EDAR: variants seen among roughly 807,000 people sequenced by gnomAD.
EDAR encodes the protein ectodysplasin A receptor, also known as tumor necrosis factor receptor superfamily member EDAR.
EDAR carries 38 observed loss-of-function variants against 51.3 expected under a neutral mutation model. The ratio of observed to expected loss-of-function variants is 0.74; its 90% CI spans 0.57 to 0.97. The LOEUF (loss-of-function observed/expected upper bound fraction) is 0.97, where lower values mean the gene tolerates loss of function less well. Ranked by LOEUF, EDAR falls within the 50% of genes least tolerant of loss-of-function variation. The pLI, the probability that EDAR is intolerant of heterozygous loss-of-function variation, is 0.00. For synonymous variants in EDAR, 227 were observed against 242.1 expected (o/e 0.94, Z 0.58); for missense variants, 528 against 595.0 (o/e 0.89, Z 1.17).
intron 11 of EDAR, among the ~76,000 whole-genome samples, chr2:108,902,713 G>A (rs2105382465): frequency 6.6e-6 from 1 of 152,216 alleles, no homozygotes; most frequent in Admixed American, 6.5e-5. Flanking sequence ...AGGGAGGCAA[G>A]GCTGGTTCAA....
At position 108,912,686 on chromosome 2, in the gene EDAR, G is replaced by C; in HGVS notation, c.521C>G (p.Ala174Gly). 1 of 1,593,276 alleles carries C rather than the reference G, an allele frequency of 6.3e-7. No homozygotes were observed. The highest frequency in any genetic ancestry group is 1.2e-5 in the South Asian group (1 of 86,944). ...GSSTLSPFQH[A>G]HKELSGQGHL... ...CTGAGCACCCTCCTCACCTTTGTGG[G>C]CGTGCTGGAAGGGAGACAGGGTGCT... The change falls in exon 6 of 12, where the codon GCC (alanine) becomes GGC (glycine). Residue 174 changes from alanine (A) to glycine (G), a missense_variant. By Grantham distance (60) the Ala-to-Gly change is moderately conservative. Coordinates refer to ENST00000258443, the MANE Select transcript of EDAR (RefSeq NM_022336.4).
At position 108,911,069 on chromosome 2, in the gene EDAR, A is replaced by G; in HGVS notation, c.533T>C (p.Leu178Pro). Residue 178 changes from leucine to proline, a missense_variant, in exon 7 of 12, where the codon CTC (leucine) becomes CCC (proline). Physicochemically the swap from Leu to Pro is moderately conservative, Grantham distance 98. Transcript: ENST00000258443. ...AGTGGCCAGGTGTCCTTGGCCTGAG[A>G]GTTCTGTGGGTGGAGAGAAGGCATG... Reference protein sequence around the residue: ...LSPFQHAHKELSGQGHLATAL... With the variant: ...LSPFQHAHKEPSGQGHLATAL... The G allele has an allele frequency of 6.2e-7, 1 of 1,614,086 alleles. No individual in the cohort carries two copies. Among genetic ancestry groups the G allele is most frequent in the Non-Finnish European group, 8.5e-7 (1 of 1,180,006 alleles).
intron 1 of EDAR, among the ~76,000 whole-genome samples, chr2:108,944,493 T>C (rs1228537298): frequency 6.6e-6 from 1 of 152,224 alleles, no homozygotes; most frequent in East Asian, 1.9e-4. Context: ...GCCAATGCTG[T>C]TGCCTCTAAC....
chr2:108,933,375 C>T (rs993755304), intron 1 of EDAR, among the ~76,000 whole-genome samples: 2 of 152,116 alleles, frequency 1.3e-5, no homozygotes, highest in African/African-American at 4.8e-5. Flanking sequence ...AAGGAAAAAG[C>T]GTGTGTCCCT....
intron 5 of EDAR, among the ~76,000 whole-genome samples, chr2:108,921,666 C>G (rs1384556755): frequency 6.6e-6 from 1 of 152,200 alleles, no homozygotes; most frequent in Non-Finnish European, 1.5e-5. Context: ...TGGGCAGGTG[C>G]TCTGAGTAAA....
At chr2:108,983,192 C>T (rs1698444978) in intron 1 of EDAR, among the ~76,000 whole-genome samples, 1 of 152,134 alleles carries the variant, frequency 6.6e-6, no homozygotes, top group Admixed American at 6.5e-5. Context: ...CAAACACATC[C>T]CCAAAGTGTA....
intron 1 of EDAR, among the ~76,000 whole-genome samples, chr2:108,932,955 C>G (rs909066721): frequency 2.0e-5 from 3 of 152,146 alleles, no homozygotes; most frequent in African/African-American, 4.8e-5. Flanking sequence ...TCCTGCCTCC[C>G]GAGTACAACA....
At chr2:108,978,548 C>T (rs773092324) in intron 1 of EDAR, among the ~76,000 whole-genome samples, 2 of 152,174 alleles carry the variant, frequency 1.3e-5, no homozygotes, top group Non-Finnish European at 2.9e-5. Context: ...CCCAAGGAGG[C>T]TGAGGTTCAG....
At chr2:108,980,279 G>C (rs1011140315) in intron 1 of EDAR, among the ~76,000 whole-genome samples, 1 of 151,946 alleles carries the variant, frequency 6.6e-6, no homozygotes, top group Non-Finnish European at 1.5e-5. Flanking sequence ...ATCCCAGGGA[G>C]GCCCAGGTGA....
At position 108,912,687 on chromosome 2, in the gene EDAR, C is replaced by A. The variant is rs771092641; in HGVS notation, c.520G>T (p.Ala174Ser). The part of the protein sequence containing the change: ...GSSTLSPFQH[A>S]HKELSGQGHL... ...TGAGCACCCTCCTCACCTTTGTGGGCGTGCTGGAAGGGAGACAGGGTGCTG... is the reference window on the plus strand; with the variant it reads ...TGAGCACCCTCCTCACCTTTGTGGGAGTGCTGGAAGGGAGACAGGGTGCTG... Residue 174 changes from alanine (A) to serine (S), a missense_variant, in exon 6 of 12, where the codon GCC becomes TCC. Transcript: ENST00000258443. 6.3e-7 allele frequency: 1 copy of A among 1,593,810 alleles called. No individual in the cohort carries two copies. The highest frequency in any genetic ancestry group is 8.5e-7 in the Non-Finnish European group (1 of 1,170,236).
intron 1 of EDAR, among the ~76,000 whole-genome samples, chr2:108,935,209 CAATTCCCATCTAGA>C (rs1349452919): frequency 6.6e-6 from 1 of 152,190 alleles, no homozygotes; most frequent in Non-Finnish European, 1.5e-5. Flanking sequence ...CTTCCTTCCT[CAATTCCCATCTAGA>C]ATGATGACAC....
At chr2:108,964,587 A>T (rs1698115093) in intron 1 of EDAR, among the ~76,000 whole-genome samples, 1 of 152,252 alleles carries the variant, frequency 6.6e-6, no homozygotes, top group Admixed American at 6.5e-5. Context: ...TAATCTTTTA[A>T]CAACAAAGGG....
intron 1 of EDAR, among the ~76,000 whole-genome samples, chr2:108,956,693 G>T (rs1282512772): frequency 1.3e-5 from 2 of 152,102 alleles, no homozygotes; most frequent in African/African-American, 2.4e-5. Flanking sequence ...AAATATTTGG[G>T]TTATGATTCA....
At position 108,914,945 on chromosome 2, in the gene EDAR, C is replaced by T. The variant is rs368537247; in HGVS notation, c.443-2181G>A. Among the ~76,000 whole-genome samples the T allele has an allele frequency of 3.9e-5, 6 of 152,238 alleles. No homozygotes were observed. In the East Asian group the frequency reaches 5.8e-4, roughly 15 times the overall value. ...CTGTTTTGTTTGAGACAAGGTCTCA[C>T]TCTGTCACCCAGGCTGGAGTGCAGT... On this transcript the variant is annotated intron_variant, in intron 5 of 11. Transcript: ENST00000258443.
intron 9 of EDAR, among the ~76,000 whole-genome samples, chr2:108,909,681 C>T (rs1696879515): frequency 3.3e-5 from 5 of 152,232 alleles, no homozygotes; most frequent in East Asian, 1.9e-4. Flanking sequence ...TTGGAAGCTA[C>T]GCAGGACCAA....
chr2:108,967,103 T>A (rs935749604), intron 1 of EDAR, among the ~76,000 whole-genome samples: 3 of 152,108 alleles, frequency 2.0e-5, no homozygotes, highest in African/African-American at 7.2e-5. Flanking sequence ...CCAGGCTAAT[T>A]TTTGTATTTT....
chr2:108,943,648 G>A (rs1277763987), intron 1 of EDAR, among the ~76,000 whole-genome samples: 7 of 152,296 alleles, frequency 4.6e-5, no homozygotes, highest in Non-Finnish European at 7.4e-5. Flanking sequence ...CGAAGACTCC[G>A]CGTATTTTCC....
Position 108,910,830 on chromosome 2 carries a change from C to T in EDAR, c.676G>A (p.Gly226Arg), listed in dbSNP as rs1459806885. The T allele has an allele frequency of 1.2e-6, 2 of 1,613,918 alleles. No homozygotes were observed. The highest frequency in any genetic ancestry group is 2.7e-5 in the African/African-American group (2 of 74,918). Residue 226 changes from glycine to arginine, a missense_variant, in exon 8 of 12, where the codon GGG (glycine) becomes AGG (arginine). Coordinates refer to ENST00000258443, the MANE Select transcript of EDAR (RefSeq NM_022336.4). ...CTCACTTGGGCCTCCACGCTCTTCC[C>T]CGGGTGGCTGGTGCAACAGGCTGGG... ...SAPACCTSHP[G>R]KSVEAQVSKD...
chr2:108,940,873 C>T (rs1176407173), intron 1 of EDAR, among the ~76,000 whole-genome samples: 1 of 152,178 alleles, frequency 6.6e-6, no homozygotes, highest in Non-Finnish European at 1.5e-5. Context: ...TAAAACTAAT[C>T]ACGTTTATTG....
Sources: gnomAD v4.1 joint callset for allele counts (sites outside exome capture counted in the v4.1 genomes callset) on GRCh38, gnomAD v4.1.1 for gene constraint, MANE v1.5 for transcripts, NCBI Gene and HGNC (gene_info 2026-07-23, HGNC 2026-07-21) for gene names.